The following CDC73 variants were observed in gnomAD, a reference collection of about 807,000 sequenced individuals.
The protein encoded by CDC73 is parafibromin.
Under a neutral mutation model 83.7 loss-of-function variants are expected in CDC73, and 21 were observed. That is an observed-to-expected ratio of 0.25 (90% confidence interval 0.18 to 0.36). The LOEUF is 0.36. Among genes scored for constraint, CDC73 ranks in the 10% least tolerant of loss-of-function variants. The pLI is 1.00. For synonymous variants in CDC73, 224 were observed against 212.9 expected (o/e 1.05, Z -0.45); for missense variants, 342 against 653.3 (o/e 0.52, Z 5.19).
intron 10 of CDC73, among the ~76,000 whole-genome samples, chr1:193,190,958 G>A (rs951832787): frequency 2.0e-5 from 3 of 152,178 alleles, no homozygotes; most frequent in Non-Finnish European, 2.9e-5. Context: ...TAGTAGTCCA[G>A]TAGTGTGTGG....
intron 15 of CDC73, among the ~76,000 whole-genome samples, chr1:193,244,808 A>T (rs1677925591): frequency 6.6e-6 from 1 of 152,094 alleles, no homozygotes; most frequent in Admixed American, 6.6e-5. Flanking sequence ...TTATGTCCTT[A>T]TTCTGCCTTA....
At position 193,253,010 on chromosome 1, in the gene CDC73, ATAACT is replaced by A. The variant is rs1267395423; in HGVS notation, c.*2300_*2304del. 3 of 232,074 alleles carry A rather than the reference ATAACT, an allele frequency of 1.3e-5. No homozygotes were observed. The East Asian group carries it at 1.8e-4, about 14-fold the overall frequency. 14.4% of individuals were successfully genotyped at this position (232,074 alleles called of 1,614,324 possible). On this transcript the variant is annotated 3_prime_UTR_variant, in exon 17 of 17. Transcript: ENST00000367435. Reference sequence around the variant, plus strand: ...TTTAATGGAAATGAAGTATAAATTAATAACTTGACTTACCCCTCCATAAGTTACTG... The same window carrying A: ...TTTAATGGAAATGAAGTATAAATTAATGACTTACCCCTCCATAAGTTACTG...
intron 10 of CDC73, among the ~76,000 whole-genome samples, chr1:193,161,508 C>T (rs999525715): frequency 7.1e-6 from 1 of 141,620 alleles, no homozygotes; most frequent in Admixed American, 7.8e-5. Flanking sequence ...TATATAAGAT[C>T]AAATTAGAGT....
intron 10 of CDC73, among the ~76,000 whole-genome samples, chr1:193,194,442 A>G (rs904981526): frequency 6.6e-6 from 1 of 152,104 alleles, no homozygotes; most frequent in African/African-American, 2.4e-5. Flanking sequence ...GTTATTTGGT[A>G]TATTCTTTTA....
At chr1:193,134,168 T>C (rs1021557372) in intron 3 of CDC73, among the ~76,000 whole-genome samples, 2 of 152,044 alleles carry the variant, frequency 1.3e-5, no homozygotes, top group Non-Finnish European at 2.9e-5. Flanking sequence ...ATGTGTAGGG[T>C]GAATGCTAAC....
chr1:193,191,653 G>A (rs909184978), intron 10 of CDC73, among the ~76,000 whole-genome samples: 3 of 151,968 alleles, frequency 2.0e-5, no homozygotes, highest in Non-Finnish European at 2.9e-5. Context: ...CCCAAAGTGC[G>A]GGGGATTATA....
intron 8 of CDC73, among the ~76,000 whole-genome samples, chr1:193,148,301 T>A (rs532661721): frequency 6.6e-6 from 1 of 152,368 alleles, no homozygotes; most frequent in South Asian, 2.1e-4. Context: ...CATAAATCCC[T>A]GTTAACTCCC....
intron 11 of CDC73, among the ~76,000 whole-genome samples, chr1:193,209,481 A>G (rs1394580302): frequency 1.3e-5 from 2 of 152,222 alleles, no homozygotes; most frequent in African/African-American, 2.4e-5. Context: ...AGACAGTGGC[A>G]AAATAAGGAT....
chr1:193,187,971 C>A (rs554103939), intron 10 of CDC73, among the ~76,000 whole-genome samples: 2 of 152,204 alleles, frequency 1.3e-5, no homozygotes, highest in South Asian at 2.1e-4. Flanking sequence ...CACTCACTAC[C>A]GTTTTGTTTT....
At chr1:193,129,225 C>T (rs1288225466) in intron 2 of CDC73, among the ~76,000 whole-genome samples, 6 of 151,414 alleles carry the variant, frequency 4.0e-5, no homozygotes, top group African/African-American at 9.7e-5. Context: ...CTTGAACTCC[C>T]GACCTCATGA....
chr1:193,157,334 G>A (rs1676225631), intron 10 of CDC73, among the ~76,000 whole-genome samples: 1 of 152,218 alleles, frequency 6.6e-6, no homozygotes, highest in South Asian at 2.1e-4. Context: ...TCAGGAAGAA[G>A]AAGATGGTAA....
At chr1:193,182,213 G>T (rs1676728827) in intron 10 of CDC73, among the ~76,000 whole-genome samples, 1 of 152,042 alleles carries the variant, frequency 6.6e-6, no homozygotes, top group Non-Finnish European at 1.5e-5. Flanking sequence ...TGTTTCCATT[G>T]GCCCCTACTG....
chr1:193,216,501 G>A (rs1329955286), intron 13 of CDC73, among the ~76,000 whole-genome samples: 1 of 152,032 alleles, frequency 6.6e-6, no homozygotes, highest in Non-Finnish European at 1.5e-5. Context: ...ATTAACAGCT[G>A]AATTCTACCA....
chr1:193,124,572 T>G (rs1257840366), intron 1 of CDC73, among the ~76,000 whole-genome samples: 2 of 152,222 alleles, frequency 1.3e-5, no homozygotes, highest in African/African-American at 4.8e-5. Context: ...CTACATTGTT[T>G]TATCACAGGT....
At chr1:193,209,209 A>G (rs779023376) in intron 11 of CDC73, among the ~76,000 whole-genome samples, 8 of 152,326 alleles carry the variant, frequency 5.3e-5, no homozygotes, top group Non-Finnish European at 4.4e-5. Context: ...GAGCAACAGT[A>G]ATTTTTCTTA....
chr1:193,161,457 C>T (rs1449508568), intron 10 of CDC73, among the ~76,000 whole-genome samples: 1 of 148,382 alleles, frequency 6.7e-6, no homozygotes, highest in Non-Finnish European at 1.5e-5. Context: ...TTATGGGTGT[C>T]ATTGAAAAAG....
chr1:193,226,578 A>G (rs373407920), intron 13 of CDC73, among the ~76,000 whole-genome samples: 16 of 152,214 alleles, frequency 1.1e-4, no homozygotes, highest in African/African-American at 3.4e-4. Context: ...TGAGATGATC[A>G]TGTGATTTTT....
intron 10 of CDC73, among the ~76,000 whole-genome samples, chr1:193,175,013 G>C (rs1488401570): frequency 3.3e-5 from 5 of 152,040 alleles, no homozygotes; most frequent in African/African-American, 1.2e-4. Context: ...AAGTCTCGAG[G>C]GAGAGAGAAT....
intron 10 of CDC73, among the ~76,000 whole-genome samples, chr1:193,160,271 T>C (rs559343893): frequency 2.0e-5 from 3 of 152,260 alleles, no homozygotes; most frequent in South Asian, 2.1e-4. Context: ...AGAAAAGTTA[T>C]TGTTGCCACG....
Sources: gnomAD v4.1 joint callset for allele counts (sites outside exome capture counted in the v4.1 genomes callset) on GRCh38, gnomAD v4.1.1 for gene constraint, MANE v1.5 for transcripts, NCBI Gene and HGNC (gene_info 2026-07-23, HGNC 2026-07-21) for gene names.